FRMD4B: variants seen among roughly 807,000 people sequenced by gnomAD.
The protein encoded by FRMD4B is FERM domain containing 4B, also known as FERM domain-containing protein 4B.
Under a neutral mutation model 141.5 loss-of-function variants are expected in FRMD4B, and 74 were observed. The ratio of observed to expected loss-of-function variants is 0.52; its 90% CI spans 0.43 to 0.63. The LOEUF is 0.63. Among genes scored for constraint, FRMD4B ranks in the 30% least tolerant of loss-of-function variants. The probability of loss-of-function intolerance (pLI) is 0.00; values close to 1 mark genes in which losing one functional copy is unlikely to be tolerated. For missense variants in FRMD4B, 1,366 were observed against 1,253.4 expected, an observed-to-expected ratio of 1.09 and a Z score of -1.36; for synonymous variants, 506 against 467.9, an observed-to-expected ratio of 1.08 and a Z score of -1.05.
At chr3:69,530,583 G>A (rs1206576243) in intron 1 of FRMD4B, among the ~76,000 whole-genome samples, 1 of 150,688 alleles carries the variant, frequency 6.6e-6, no homozygotes, top group Admixed American at 6.6e-5. Context: ...AAATTACCCA[G>A]CCTCAGGTAT....
intron 5 of FRMD4B, among the ~76,000 whole-genome samples, chr3:69,254,187 C>T (rs1288648841): frequency 6.6e-6 from 1 of 152,116 alleles, no homozygotes; most frequent in Non-Finnish European, 1.5e-5. Context: ...TCACCACAAC[C>T]TCCGCCTCCC....
intron 5 of FRMD4B, among the ~76,000 whole-genome samples, chr3:69,267,994 A>G (rs1575675578): frequency 1.3e-5 from 2 of 151,974 alleles, no homozygotes; most frequent in East Asian, 3.9e-4. Context: ...TTTGATGACA[A>G]TGTTCTACCA....
At chr3:69,217,131 C>G (rs534392484) in intron 10 of FRMD4B, among the ~76,000 whole-genome samples, 1 of 152,192 alleles carries the variant, frequency 6.6e-6, no homozygotes, top group South Asian at 2.1e-4. Flanking sequence ...TATCGAAAAC[C>G]CTTTTGGAGA....
At chr3:69,374,098 C>T (rs2314984) in intron 1 of FRMD4B, among the ~76,000 whole-genome samples, 142,049 of 152,288 alleles carry the variant, frequency 0.93, 66,252 homozygotes, top group East Asian at 0.97. Context: ...TCAGAGTTTG[C>T]ACTCTAGCAT....
chr3:69,383,734 AT>A (rs1332123882), intron 1 of FRMD4B, among the ~76,000 whole-genome samples: 4 of 151,988 alleles, frequency 2.6e-5, no homozygotes, highest in African/African-American at 4.8e-5. Context: ...TGATTTTTAA[AT>A]TTTTTGTAGA....
intron 5 of FRMD4B, among the ~76,000 whole-genome samples, chr3:69,271,868 G>T (rs544087046): frequency 6.6e-6 from 1 of 152,014 alleles, no homozygotes; most frequent in Admixed American, 6.6e-5. Flanking sequence ...CCAGCTGCTC[G>T]GGAGGCTGAG....
In FRMD4B at chr3:69,523,547, T is replaced by C. The variant is rs116695334; in HGVS notation, c.-129+18659A>G. On this transcript the variant is annotated intron_variant, in intron 1 of 5. Transcript: ENST00000459638. ...GCTGAAGCTCCGGTCATGGTATCTG[T>C]GTTCTAAACAGCAGAAAGAGGAATT... is the stretch of plus-strand genomic sequence containing the variant. Among the ~76,000 whole-genome samples, 480 of 152,228 alleles carry C rather than the reference T, an allele frequency of 3.2e-3. 5 individuals are homozygous for C. The highest frequency in any genetic ancestry group is 0.011 in the African/African-American group (452 of 41,540).
intron 2 of FRMD4B, among the ~76,000 whole-genome samples, chr3:69,418,548 G>A (rs894083441): frequency 1.2e-4 from 19 of 152,176 alleles, no homozygotes; most frequent in East Asian, 1.9e-4. Flanking sequence ...AGCGAAAGAC[G>A]TTCTCTTGCT....
intron 2 of FRMD4B, among the ~76,000 whole-genome samples, chr3:69,408,033 ACT>A (rs1298728272): frequency 1.3e-5 from 2 of 152,014 alleles, no homozygotes; most frequent in African/African-American, 4.8e-5. Flanking sequence ...TAGCTACTTA[ACT>A]CTGCTGTTGC....
At chr3:69,455,277 T>G (rs1705576561) in intron 1 of FRMD4B, among the ~76,000 whole-genome samples, 1 of 152,292 alleles carries the variant, frequency 6.6e-6, no homozygotes, top group South Asian at 2.1e-4. Flanking sequence ...CAGTGATAGG[T>G]TCAGGTCTGT....
chr3:69,421,443 G>T (rs1488366206), intron 2 of FRMD4B, among the ~76,000 whole-genome samples: 1 of 152,216 alleles, frequency 6.6e-6, no homozygotes, highest in Non-Finnish European at 1.5e-5. Flanking sequence ...GGGGACTGGA[G>T]AGCACATGTT....
chr3:69,233,589 A>T (rs989551873), intron 7 of FRMD4B, among the ~76,000 whole-genome samples: 1 of 152,176 alleles, frequency 6.6e-6, no homozygotes, highest in Non-Finnish European at 1.5e-5. Context: ...GGATGTAAAA[A>T]TGCCATAGTT....
At chr3:69,519,192 C>A (rs1700813248) in intron 1 of FRMD4B, among the ~76,000 whole-genome samples, 1 of 152,076 alleles carries the variant, frequency 6.6e-6, no homozygotes, top group Admixed American at 6.5e-5. Flanking sequence ...TGCATATTAC[C>A]AAGGTTTGGG....
intron 1 of FRMD4B, among the ~76,000 whole-genome samples, chr3:69,316,347 C>T (rs1701802463): frequency 6.6e-6 from 1 of 152,158 alleles, no homozygotes; most frequent in African/African-American, 2.4e-5. Flanking sequence ...GGGCTTTTTA[C>T]ATGTATTATC....
intron 1 of FRMD4B, among the ~76,000 whole-genome samples, chr3:69,528,689 CT>C (rs1700968299): frequency 6.6e-6 from 1 of 152,130 alleles, no homozygotes; most frequent in Admixed American, 6.5e-5. Context: ...GTCTGGATTC[CT>C]CCAGAAGCCA....
At chr3:69,399,607 T>C (rs1236345035) in intron 2 of FRMD4B, among the ~76,000 whole-genome samples, 1 of 152,236 alleles carries the variant, frequency 6.6e-6, no homozygotes, top group African/African-American at 2.4e-5. Context: ...ACTGGTCTTC[T>C]TTTGGGTTCT....
chr3:69,470,655 G>C (rs1705871562), intron 1 of FRMD4B, among the ~76,000 whole-genome samples: 1 of 152,166 alleles, frequency 6.6e-6, no homozygotes. Flanking sequence ...GTTGCAACAA[G>C]TTATCTCTGC....
At chr3:69,217,340 G>T (rs1483488890) in intron 10 of FRMD4B, among the ~76,000 whole-genome samples, 1 of 152,118 alleles carries the variant, frequency 6.6e-6, no homozygotes, top group Non-Finnish European at 1.5e-5. Flanking sequence ...TAAATTGGAG[G>T]CCAGGCGTGG....
intron 5 of FRMD4B, among the ~76,000 whole-genome samples, chr3:69,271,506 G>A (rs1194304207): frequency 1.3e-5 from 2 of 152,174 alleles, no homozygotes; most frequent in Non-Finnish European, 2.9e-5. Context: ...AAGATGACAG[G>A]TATAACGAGC....
Sources: gnomAD v4.1 joint callset for allele counts (sites outside exome capture counted in the v4.1 genomes callset) on GRCh38, gnomAD v4.1.1 for gene constraint, MANE v1.5 for transcripts, NCBI Gene and HGNC (gene_info 2026-07-23, HGNC 2026-07-21) for gene names.